ATP2C1: variants seen among roughly 807,000 people sequenced by gnomAD.
ATP2C1 encodes the protein ATPase secretory pathway Ca2+ transporting 1.
ATP2C1 carries 31 observed loss-of-function variants against 120.5 expected under a neutral mutation model. That is an observed-to-expected ratio of 0.26 (90% CI 0.19 to 0.35). The LOEUF (loss-of-function observed/expected upper bound fraction) is 0.35. ATP2C1 is among the 10% of genes least tolerant of loss of function. The pLI is 1.00. For synonymous variants in ATP2C1, 351 were observed against 358.7 expected (o/e 0.98, Z 0.24); for missense variants, 731 against 1,107.5 (o/e 0.66, Z 4.83).
Position 130,958,525 on chromosome 3 carries a change from G to GA in ATP2C1, c.833-740dup, listed in dbSNP as rs879835569. Among the ~76,000 whole-genome samples the GA allele has an allele frequency of 1.2e-3, 179 of 148,582 alleles. 1 individual carries two copies. The East Asian group carries it at 0.024, about 20-fold the overall frequency. On this transcript the variant is annotated intron_variant, in intron 11 of 27. Coordinates refer to ENST00000510168, the MANE Select transcript of ATP2C1 (RefSeq NM_001378687.1). ...AATTATTCTTTAGTTATATAAAGAT[G>GA]AAAAAAAAAACTTGTCTTAAATGTT...
intron 2 of ATP2C1, among the ~76,000 whole-genome samples, chr3:130,912,808 G>A (rs2058495642): frequency 6.6e-6 from 1 of 151,898 alleles, no homozygotes; most frequent in Admixed American, 6.6e-5. Flanking sequence ...GCACATGTAT[G>A]TTTATTGCGG....
chr3:130,919,286 G>A (rs185691788), intron 2 of ATP2C1, among the ~76,000 whole-genome samples: 5 of 151,090 alleles, frequency 3.3e-5, no homozygotes, highest in South Asian at 2.1e-4. Context: ...GTGCAATGGC[G>A]CGATCTCAGC....
At chr3:130,946,618 C>T (rs2060166666) in intron 8 of ATP2C1, among the ~76,000 whole-genome samples, 1 of 152,200 alleles carries the variant, frequency 6.6e-6, no homozygotes, top group South Asian at 2.1e-4. Flanking sequence ...AAATCCATTA[C>T]TGGAGCAATC....
chr3:130,931,540 A>G (rs929924025), intron 3 of ATP2C1, among the ~76,000 whole-genome samples: 2 of 152,136 alleles, frequency 1.3e-5, no homozygotes, highest in Non-Finnish European at 2.9e-5. Context: ...AACTAATTTT[A>G]GAAAATGGCG....
At chr3:130,862,016 C>T (rs1035064364) in intron 1 of ATP2C1, among the ~76,000 whole-genome samples, 1 of 152,104 alleles carries the variant, frequency 6.6e-6, no homozygotes, top group South Asian at 2.1e-4. Flanking sequence ...CTCTGTCGCC[C>T]AGGCTGAAGT....
At chr3:131,004,198 T>C (rs2063012559), downstream of ATP2C1, among the ~76,000 whole-genome samples, 3 of 152,212 alleles carry the variant, frequency 2.0e-5, no homozygotes, top group African/African-American at 7.2e-5. Flanking sequence ...TCACTAGATG[T>C]TTCCTTGACA....
intron 1 of ATP2C1, among the ~76,000 whole-genome samples, chr3:130,870,737 G>C (rs1182769744): frequency 6.6e-6 from 1 of 152,178 alleles, no homozygotes; most frequent in Non-Finnish European, 1.5e-5. Flanking sequence ...GATATGCTGT[G>C]AACATTGTTG....
downstream of ATP2C1, among the ~76,000 whole-genome samples, chr3:131,004,729 A>T (rs1577061552): frequency 6.6e-6 from 1 of 152,368 alleles, no homozygotes; most frequent in East Asian, 1.9e-4. Context: ...GGGAAACTCC[A>T]GCTGAGAAGC....
chr3:130,850,954 A>T, intron 1 of ATP2C1: 1 of 1,210,546 alleles, frequency 8.3e-7, no homozygotes, highest in Admixed American at 3.7e-5. Context: ...TATTATCTTT[A>T]AAATGAACGG....
At chr3:130,969,680 T>C (rs1269991160) in intron 17 of ATP2C1, among the ~76,000 whole-genome samples, 1 of 152,200 alleles carries the variant, frequency 6.6e-6, no homozygotes, top group Non-Finnish European at 1.5e-5. Flanking sequence ...TGACATCAGA[T>C]TTTTTCAGAA....
intron 12 of ATP2C1, among the ~76,000 whole-genome samples, chr3:130,960,724 A>T (rs2060783256): frequency 6.6e-6 from 1 of 152,156 alleles, no homozygotes; most frequent in Non-Finnish European, 1.5e-5. Context: ...GTAACAAATT[A>T]GGGGGGCAAT....
intron 1 of ATP2C1, among the ~76,000 whole-genome samples, chr3:130,865,521 TC>T (rs2068144887): frequency 6.6e-6 from 1 of 152,274 alleles, no homozygotes; most frequent in South Asian, 2.1e-4. Flanking sequence ...TTTGACAGTG[TC>T]CCCACCCAAA....
At chr3:130,875,453 G>C (rs1011213659) in intron 1 of ATP2C1, among the ~76,000 whole-genome samples, 1 of 152,122 alleles carries the variant, frequency 6.6e-6, no homozygotes, top group Non-Finnish European at 1.5e-5. Flanking sequence ...TGAATGACAG[G>C]ACTTAATTCT....
At chr3:130,886,351 T>C (rs981938882) in intron 1 of ATP2C1, among the ~76,000 whole-genome samples, 2 of 152,184 alleles carry the variant, frequency 1.3e-5, no homozygotes, top group East Asian at 3.9e-4. Flanking sequence ...TTCTACAGTC[T>C]TTTAGTACTT....
intron 6 of ATP2C1, among the ~76,000 whole-genome samples, chr3:130,940,053 A>G (rs930660625): frequency 6.6e-6 from 1 of 152,242 alleles, no homozygotes; most frequent in Non-Finnish European, 1.5e-5. Context: ...TGGATGGAAG[A>G]AGGCTAGAAA....
At chr3:130,993,831 A>T in intron 21 of ATP2C1, 101 bp from the exon 22 acceptor site, 1 of 1,184,524 alleles carries the variant, frequency 8.4e-7, no homozygotes, top group Non-Finnish European at 1.2e-6. Context: ...TTCTAATCTT[A>T]ATTATGTGAA....
chr3:130,892,643 T>TCTGATGTTGAACG, upstream of ATP2C1, among the ~76,000 whole-genome samples: 1 of 141,232 alleles, frequency 7.1e-6, no homozygotes, highest in Non-Finnish European at 1.5e-5. Flanking sequence ...GTCCGTTAAT[T>TCTGATGTTGAACG]TGGCTCCGTC....
At chr3:130,990,653 T>C (rs971662660) in intron 20 of ATP2C1, among the ~76,000 whole-genome samples, 2 of 152,220 alleles carry the variant, frequency 1.3e-5, no homozygotes, top group Non-Finnish European at 2.9e-5. Flanking sequence ...AGTGCCACTC[T>C]GGCTACTGTG....
intron 20 of ATP2C1, among the ~76,000 whole-genome samples, chr3:130,982,405 AACTT>A (rs974073895): frequency 6.6e-6 from 1 of 152,198 alleles, no homozygotes; most frequent in African/African-American, 2.4e-5. Flanking sequence ...ATATGAGATT[AACTT>A]ACTTTATTAT....
Sources: gnomAD v4.1 joint callset for allele counts (sites outside exome capture counted in the v4.1 genomes callset) on GRCh38, gnomAD v4.1.1 for gene constraint, MANE v1.5 for transcripts, NCBI Gene and HGNC (gene_info 2026-07-23, HGNC 2026-07-21) for gene names.